The following MARCHF5 variants were observed in gnomAD, a reference collection of about 807,000 sequenced individuals.
The protein encoded by MARCHF5 is membrane associated ring-CH-type finger 5.
Under a neutral mutation model 36.5 loss-of-function variants are expected in MARCHF5, and 5 were observed. The observed-to-expected ratio is 0.14, with a 90% CI of 0.07 to 0.29. MARCHF5 has a LOEUF of 0.29. Ranked by LOEUF, MARCHF5 falls within the 10% of genes least tolerant of loss-of-function variation. The pLI is 1.00. For missense variants in MARCHF5, 179 were observed against 336.3 expected, an observed-to-expected ratio of 0.53 and a Z score of 3.66; for synonymous variants, 103 against 109.9, an observed-to-expected ratio of 0.94 and a Z score of 0.39.
At position 92,309,137 on chromosome 10, in the gene MARCHF5, A is replaced by G. The variant is rs538677061; in HGVS notation, c.36-1998A>G. 3.9e-5 allele frequency among the ~76,000 whole-genome samples: 6 copies of G among 152,380 alleles called. No individual in the cohort carries two copies. In the South Asian group the frequency reaches 1.2e-3, roughly 32 times the overall value. On this transcript the variant is annotated intron_variant, in intron 1 of 5. Transcript: ENST00000358935. ...TGAATGGATGTGTGAGAAAGCAAAT[A>G]TAGCAGAATAAGAATTATAGAATCT...
Position 92,291,377 on chromosome 10 carries a change from C to A in MARCHF5, c.-118C>A. On this transcript the variant is annotated 5_prime_UTR_variant, in exon 1 of 6. Transcript: ENST00000358935. ...GGAGCTGCCCCGGGAAGCTGGGTGA[C>A]GGGTTCGCGGCTGCCGCCGGACTGC... 1 of 920,908 alleles carries A rather than the reference C, an allele frequency of 1.1e-6. No individual in the cohort carries two copies. 57.0% of individuals were successfully genotyped at this position (920,908 alleles called of 1,614,324 possible). A position where few individuals can be genotyped will look rare whatever the true frequency, so the allele number is the denominator to read the frequency against.
chr10:92,341,402 C>CA (rs1018972840), intron 3 of MARCHF5, among the ~76,000 whole-genome samples: 27 of 150,084 alleles, frequency 1.8e-4, no homozygotes, highest in Middle Eastern at 3.5e-3. Context: ...GACTCCATCT[C>CA]AAAAAAAACA....
Position 92,309,242 on chromosome 10 carries a change from T to A in MARCHF5, c.36-1893T>A, listed in dbSNP as rs566269264. 2.0e-5 allele frequency among the ~76,000 whole-genome samples: 3 copies of A among 152,278 alleles called. No homozygotes were observed. In the South Asian group the frequency reaches 6.2e-4, roughly 32 times the overall value. On this transcript the variant is annotated intron_variant, in intron 1 of 5. Coordinates refer to ENST00000358935, the MANE Select transcript of MARCHF5 (RefSeq NM_017824.5). Reference sequence around the variant, plus strand: ...TTGAAATTTTTCATAATAAAATGTTTGGGAAAAATAAACCTTATCTAGAAT... The same window carrying A: ...TTGAAATTTTTCATAATAAAATGTTAGGGAAAAATAAACCTTATCTAGAAT...
chr10:92,313,484 A>G (rs1200738222), intron 2 of MARCHF5, among the ~76,000 whole-genome samples: 6 of 151,936 alleles, frequency 3.9e-5, no homozygotes, highest in East Asian at 1.9e-4. Flanking sequence ...AGGTGCCTCT[A>G]GTTCCAGCTA....
chr10:92,338,220 G>C (rs975223662), intron 2 of MARCHF5, among the ~76,000 whole-genome samples: 2 of 151,976 alleles, frequency 1.3e-5, no homozygotes, highest in African/African-American at 2.4e-5. Flanking sequence ...ACCATACGAA[G>C]GTTGAAGTGC....
At chr10:92,323,984 C>T (rs1455841033) in intron 2 of MARCHF5, among the ~76,000 whole-genome samples, 1 of 152,198 alleles carries the variant, frequency 6.6e-6, no homozygotes, top group Non-Finnish European at 1.5e-5. Context: ...TGAAACTATC[C>T]TCCAAAGTGG....
At chr10:92,324,130 A>G (rs1280901110) in intron 2 of MARCHF5, among the ~76,000 whole-genome samples, 2 of 152,190 alleles carry the variant, frequency 1.3e-5, no homozygotes, top group Non-Finnish European at 2.9e-5. Context: ...GAAATTTTCT[A>G]ATGACATATG....
Position 92,299,519 on chromosome 10 carries a change from G to T in MARCHF5, c.35+7990G>T, listed in dbSNP as rs149410342. 1.8e-3 allele frequency among the ~76,000 whole-genome samples: 278 copies of T among 152,252 alleles called. 1 individual carries two copies. The Middle Eastern group carries it at 0.02, about 11-fold the overall frequency. ...AGTCTTACCCATATTGAATTCAGCT[G>T]AAATACCACAGTGACACCTTGCACA... On this transcript the variant is annotated intron_variant, in intron 1 of 5. Transcript: ENST00000358935.
At chr10:92,340,626 A>AAATATCAAC (rs1843567722) in intron 2 of MARCHF5, 47 bp from the exon 3 acceptor site, 1 of 1,526,194 alleles carries the variant, frequency 6.6e-7, no homozygotes, top group Non-Finnish European at 8.8e-7. Flanking sequence ...AGTCATTTTA[A>AAATATCAAC]AAGTTCACCC....
intron 1 of MARCHF5, among the ~76,000 whole-genome samples, chr10:92,292,450 A>T (rs2135169229): frequency 6.6e-6 from 1 of 152,176 alleles, no homozygotes; most frequent in African/African-American, 2.4e-5. Flanking sequence ...GGTGGTACCA[A>T]CTCTTTGTAC....
chr10:92,318,714 C>G (rs1843247465), intron 2 of MARCHF5, among the ~76,000 whole-genome samples: 1 of 150,132 alleles, frequency 6.7e-6, no homozygotes. Flanking sequence ...TCTTTTTTTT[C>G]TAAGATGGAA....
At chr10:92,303,809 A>C (rs1843043464) in intron 1 of MARCHF5, among the ~76,000 whole-genome samples, 1 of 152,170 alleles carries the variant, frequency 6.6e-6, no homozygotes. Context: ...CAGTAAGACT[A>C]TACATCTGTT....
At position 92,320,482 on chromosome 10, in the gene MARCHF5, T is replaced by C. The variant is rs906256645; in HGVS notation, c.238+9145T>C. On this transcript the variant is annotated intron_variant, in intron 2 of 5. Coordinates refer to ENST00000358935, the MANE Select transcript of MARCHF5 (RefSeq NM_017824.5). ...ATTCTCATAGGAGATAGTAGCTTCA[T>C]GTTTGTTTTTGCCCCTGAAGACCTT... is the stretch of plus-strand genomic sequence containing the variant. Among the ~76,000 whole-genome samples, 20 of 152,096 alleles carry C rather than the reference T, an allele frequency of 1.3e-4. 1 individual carries two copies. The highest frequency in any genetic ancestry group is 4.8e-4 in the African/African-American group (20 of 41,348).
chr10:92,298,153 GTGCCAC>G (rs1336529331), intron 1 of MARCHF5, among the ~76,000 whole-genome samples: 2 of 149,134 alleles, frequency 1.3e-5, no homozygotes, highest in Non-Finnish European at 3.0e-5. Flanking sequence ...AGCTGAGATC[GTGCCAC>G]TGCACGATCT....
At chr10:92,316,945 G>A (rs2135191660) in intron 2 of MARCHF5, among the ~76,000 whole-genome samples, 1 of 152,100 alleles carries the variant, frequency 6.6e-6, no homozygotes, top group Admixed American at 6.5e-5. Flanking sequence ...AACATGAAAG[G>A]AATACCAACT....
rs1458725282 is a variant in MARCHF5, at chr10:92,349,781, A to G, written c.664A>G (p.Ile222Val). ...CCTTGTCTTTCCTACTATTGCTACA[A>G]TAGTTGGTAAATTGATGTTCAGTAG... ...GALVFPTIAT[I>V]VGKLMFSSVN... is the part of the protein sequence containing the mutation. The change falls in exon 5 of 6, where the codon ATA (isoleucine) becomes GTA (valine). Residue 222 changes from isoleucine to valine, a missense_variant. Ile to Val is a conservative substitution (Grantham distance 29). Transcript: ENST00000358935. The G allele has an allele frequency of 3.1e-6, 5 of 1,614,018 alleles. No homozygotes were observed. The highest frequency in any genetic ancestry group is 3.4e-6 in the Non-Finnish European group (4 of 1,179,908).
chr10:92,334,782 C>A (rs1427367264), intron 2 of MARCHF5, among the ~76,000 whole-genome samples: 1 of 152,192 alleles, frequency 6.6e-6, no homozygotes, highest in Non-Finnish European at 1.5e-5. Context: ...CATTGACTTA[C>A]AAGCCCCAGT....
rs1237399373 is a variant in MARCHF5, at chr10:92,352,518, TAATTAA to T, written c.*1319_*1324del. ...CAGCAACCTGAATGGTTATTTTTGTTAATTAAAATTAAATTTTTAAGAGATATTTTC... is the reference window on the plus strand; with the variant it reads ...CAGCAACCTGAATGGTTATTTTTGTTAATTAAATTTTTAAGAGATATTTTC... On this transcript the variant is annotated 3_prime_UTR_variant, in exon 6 of 6. Coordinates refer to ENST00000358935, the MANE Select transcript of MARCHF5 (RefSeq NM_017824.5). The T allele has an allele frequency of 6.6e-6, 1 of 152,214 alleles. No individual in the cohort carries two copies. Among genetic ancestry groups the T allele is most frequent in the Non-Finnish European group, 1.5e-5 (1 of 68,022 alleles). 9.4% of individuals were successfully genotyped at this position (152,214 alleles called of 1,614,324 possible). A position where few individuals can be genotyped will look rare whatever the true frequency, so the allele number is the denominator to read the frequency against.
At chr10:92,299,399 T>G (rs1197182275) in intron 1 of MARCHF5, among the ~76,000 whole-genome samples, 8 of 152,188 alleles carry the variant, frequency 5.3e-5, no homozygotes, top group Non-Finnish European at 5.9e-5. Context: ...AACCATCCTT[T>G]CCTGCACTCC....
Sources: allele counts gnomAD v4.1 joint callset (sites outside exome capture counted in the v4.1 genomes callset), GRCh38; gene constraint gnomAD v4.1.1; transcripts MANE v1.5; gene names NCBI Gene and HGNC (gene_info 2026-07-23, HGNC 2026-07-21).